ZNRF3: variants seen among roughly 807,000 people sequenced by gnomAD.
The protein encoded by ZNRF3 is E3 ubiquitin-protein ligase ZNRF3.
In ZNRF3, 23 loss-of-function variants were observed where a neutral mutation model predicts 72.5. The ratio of observed to expected loss-of-function variants is 0.32; its 90% CI spans 0.23 to 0.45. The LOEUF is 0.45. Ranked by LOEUF, ZNRF3 falls within the 20% of genes least tolerant of loss-of-function variation. The pLI, the probability that ZNRF3 is intolerant of heterozygous loss-of-function variation, is 1.00. For synonymous variants in ZNRF3, 610 were observed against 545.3 expected, an observed-to-expected ratio of 1.12 and a Z score of -1.65; for missense variants, 1,169 against 1,272.1, an observed-to-expected ratio of 0.92 and a Z score of 1.23.
intron 1 of ZNRF3, among the ~76,000 whole-genome samples, chr22:28,910,938 C>G (rs2034304965): frequency 6.6e-6 from 1 of 152,170 alleles, no homozygotes. Flanking sequence ...TGGAGGCTGC[C>G]TGGCATAGAA....
intron 2 of ZNRF3, among the ~76,000 whole-genome samples, chr22:29,017,315 G>T (rs1050304194): frequency 2.0e-5 from 3 of 152,146 alleles, no homozygotes; most frequent in African/African-American, 7.2e-5. Context: ...CATCAGGCAG[G>T]TGTACACTGT....
intron 2 of ZNRF3, among the ~76,000 whole-genome samples, chr22:29,001,059 CTT>C (rs773296494): frequency 1.3e-5 from 1 of 77,896 alleles, no homozygotes; most frequent in African/African-American, 4.6e-5. Flanking sequence ...AAAGCTTTGC[CTT>C]TTTTTTTTTT....
intron 2 of ZNRF3, among the ~76,000 whole-genome samples, chr22:29,007,989 C>T (rs1232515312): frequency 2.0e-5 from 3 of 152,048 alleles, no homozygotes; most frequent in East Asian, 1.9e-4. Flanking sequence ...CTCCCAATCT[C>T]AGGTGATCCA....
intron 4 of ZNRF3, 33 bp from the exon 5 acceptor site, chr22:29,044,747 G>A (rs776122390): frequency 2.0e-6 from 3 of 1,473,916 alleles, no homozygotes; most frequent in Non-Finnish European, 1.9e-6. Context: ...CTGGAGAGAG[G>A]CTGTGACTCA....
intron 2 of ZNRF3, among the ~76,000 whole-genome samples, chr22:29,001,504 C>G (rs1364931069): frequency 6.1e-4 from 82 of 133,712 alleles, no homozygotes; most frequent in East Asian, 2.2e-3. Flanking sequence ...TGGAGTCTCG[C>G]TCTGTTGCCC....
chr22:29,053,279 T>A (rs1487373165), intron 8 of ZNRF3, among the ~76,000 whole-genome samples: 1 of 152,238 alleles, frequency 6.6e-6, no homozygotes, highest in Non-Finnish European at 1.5e-5. Flanking sequence ...GAGTCCTCTC[T>A]GCTGCTTTTC....
rs57329565 is a variant in ZNRF3 at position 28,994,176 on chromosome 22, C to CTTTTTT, written c.426+6997_426+7002dup. Among the ~76,000 whole-genome samples, 31 of 39,810 alleles carry CTTTTTT rather than the reference C, an allele frequency of 7.8e-4. 2 individuals carry two copies. Among genetic ancestry groups the CTTTTTT allele is most frequent in the African/African-American group, 1.7e-3 (15 of 8,978 alleles). 26.1% of individuals were successfully genotyped at this position (39,810 alleles called of 152,430 possible). ...TCCTTTATTGTCCTTCAGTTCCTTT[C>CTTTTTT]TTTTTTTTTTTTTTTTTTTTTTTTT... On this transcript the variant is annotated intron_variant, in intron 2 of 8. Transcript: ENST00000544604.
chr22:28,922,089 A>G (rs1485752430), intron 1 of ZNRF3, among the ~76,000 whole-genome samples: 1 of 152,176 alleles, frequency 6.6e-6, no homozygotes, highest in African/African-American at 2.4e-5. Flanking sequence ...TATTTTTAAT[A>G]ATTTTGTGCA....
chr22:29,021,490 CTT>C (rs5844830), intron 2 of ZNRF3, among the ~76,000 whole-genome samples: 146 of 144,174 alleles, frequency 1.0e-3, no homozygotes, highest in Admixed American at 1.6e-3. Flanking sequence ...TTGTTTTAAT[CTT>C]TTTTTTTTTT....
intron 2 of ZNRF3, among the ~76,000 whole-genome samples, chr22:29,032,350 T>C (rs1267125413): frequency 6.6e-6 from 1 of 152,150 alleles, no homozygotes; most frequent in African/African-American, 2.4e-5. Context: ...TTCAGAGAGC[T>C]TTGATATCCA....
At chr22:28,942,331 C>G (rs907565620) in intron 1 of ZNRF3, among the ~76,000 whole-genome samples, 2 of 152,166 alleles carry the variant, frequency 1.3e-5, no homozygotes, top group African/African-American at 4.8e-5. Context: ...AACCAACAGG[C>G]GGACTGTTCT....
chr22:28,985,588 T>A (rs1188800139), intron 1 of ZNRF3, among the ~76,000 whole-genome samples: 1 of 152,184 alleles, frequency 6.6e-6, no homozygotes, highest in African/African-American at 2.4e-5. Flanking sequence ...TGTCAGATGG[T>A]CAGCTCTCAG....
At chr22:28,954,644 CT>C (rs373560147) in intron 1 of ZNRF3, among the ~76,000 whole-genome samples, 2 of 149,632 alleles carry the variant, frequency 1.3e-5, no homozygotes, top group East Asian at 2.0e-4. Context: ...ATTAGAATGT[CT>C]TTTTTTTTTG....
chr22:29,013,384 C>T (rs776099321), intron 2 of ZNRF3, among the ~76,000 whole-genome samples: 8 of 152,140 alleles, frequency 5.3e-5, no homozygotes, highest in Non-Finnish European at 1.2e-4. Context: ...TTCTAGAAAC[C>T]ACTTAAAGTC....
intron 2 of ZNRF3, among the ~76,000 whole-genome samples, chr22:29,019,297 G>A (rs1054916974): frequency 1.3e-5 from 2 of 152,002 alleles, no homozygotes; most frequent in Non-Finnish European, 2.9e-5. Context: ...AAAATATTGT[G>A]GCCATTTTCT....
intron 2 of ZNRF3, among the ~76,000 whole-genome samples, chr22:28,988,029 A>G (rs17439920): frequency 1.5e-3 from 230 of 152,318 alleles, no homozygotes; most frequent in Non-Finnish European, 2.7e-3. Flanking sequence ...GCAGTATAAG[A>G]TAGAAATAAA....
chr22:28,982,884 G>A (rs1404147013), intron 1 of ZNRF3, among the ~76,000 whole-genome samples: 3 of 152,174 alleles, frequency 2.0e-5, no homozygotes, highest in Non-Finnish European at 2.9e-5. Context: ...GACCTGAATC[G>A]TATAATATGA....
chr22:29,001,059 C>CTTTTTTTTTTTTTTTTTT (rs773296494), intron 2 of ZNRF3, among the ~76,000 whole-genome samples: 1 of 77,954 alleles, frequency 1.3e-5, no homozygotes, highest in East Asian at 4.8e-4. Flanking sequence ...AAAGCTTTGC[C>CTTTTTTTTTTTTTTTTTT]TTTTTTTTTT....
At chr22:28,927,277 C>T (rs998098344) in intron 1 of ZNRF3, among the ~76,000 whole-genome samples, 7 of 151,908 alleles carry the variant, frequency 4.6e-5, no homozygotes, top group African/African-American at 1.5e-4. Context: ...CTCAAAGCAC[C>T]GGGCGTGGTG....
Sources: gnomAD v4.1 joint callset for allele counts (sites outside exome capture counted in the v4.1 genomes callset) on GRCh38, gnomAD v4.1.1 for gene constraint, MANE v1.5 for transcripts, NCBI Gene and HGNC (gene_info 2026-07-23, HGNC 2026-07-21) for gene names.